The following GPC6 variants were observed in gnomAD, a reference collection of about 807,000 sequenced individuals.
GPC6 encodes glypican-6.
A neutral mutation model predicts 55.2 loss-of-function variants in GPC6; 14 were observed. The observed-to-expected ratio is 0.25, with a 90% CI of 0.17 to 0.40. GPC6 has a LOEUF of 0.40. GPC6 is among the 10% of genes least tolerant of loss of function. The pLI is 1.00. For missense variants in GPC6, 641 were observed against 708.5 expected, an observed-to-expected ratio of 0.90 and a Z score of 1.08; for synonymous variants, 278 against 259.6, an observed-to-expected ratio of 1.07 and a Z score of -0.68.
intron 3 of GPC6, among the ~76,000 whole-genome samples, chr13:94,025,877 G>A (rs1473892787): frequency 6.6e-6 from 1 of 152,026 alleles, no homozygotes; most frequent in Non-Finnish European, 1.5e-5. Flanking sequence ...ATTCAAGCCA[G>A]TATTGAATTA....
rs149804664 is a variant in GPC6, at chr13:93,375,668, T to C, written c.160+148052T>C. 5.2e-4 allele frequency among the ~76,000 whole-genome samples: 79 copies of C among 152,336 alleles called. 1 individual carries two copies. The East Asian group carries it at 0.015, about 29-fold the overall frequency. Reference sequence around the variant, plus strand: ...CAGTGGCCATTCTGGCTGGACAACCTGTACAACAAGAACAGGGACCTGACA... The same window carrying C: ...CAGTGGCCATTCTGGCTGGACAACCCGTACAACAAGAACAGGGACCTGACA... On this transcript the variant is annotated intron_variant, in intron 1 of 8. Transcript: ENST00000377047.
At chr13:93,410,485 G>A (rs1008197231) in intron 1 of GPC6, among the ~76,000 whole-genome samples, 2 of 152,142 alleles carry the variant, frequency 1.3e-5, no homozygotes, top group African/African-American at 2.4e-5. Flanking sequence ...CTGCCTGAAA[G>A]AATATAGGTC....
At chr13:94,072,943 G>A (rs1419093946) in intron 4 of GPC6, among the ~76,000 whole-genome samples, 1 of 152,132 alleles carries the variant, frequency 6.6e-6, no homozygotes, top group Non-Finnish European at 1.5e-5. Context: ...AGAGTGGAAG[G>A]CATGCAAGAG....
At chr13:93,310,267 G>A (rs12853940) in intron 1 of GPC6, among the ~76,000 whole-genome samples, 18,233 of 152,024 alleles carry the variant, frequency 0.12, 1,317 homozygotes, top group East Asian at 0.36. Context: ...TGGAGAAACC[G>A]TATAAAAAAC....
At chr13:94,342,303 G>A (rs1878080005) in intron 6 of GPC6, among the ~76,000 whole-genome samples, 1 of 152,202 alleles carries the variant, frequency 6.6e-6, no homozygotes, top group African/African-American at 2.4e-5. Context: ...TAGGGTCTTT[G>A]CAGATGTAAC....
At chr13:93,983,964 A>C (rs934649460) in intron 3 of GPC6, among the ~76,000 whole-genome samples, 1 of 152,216 alleles carries the variant, frequency 6.6e-6, no homozygotes, top group Non-Finnish European at 1.5e-5. Flanking sequence ...CAACAATTAA[A>C]GAAAAAAATT....
intron 2 of GPC6, among the ~76,000 whole-genome samples, chr13:93,651,897 G>A (rs1201846041): frequency 2.0e-5 from 3 of 152,122 alleles, no homozygotes; most frequent in Admixed American, 6.5e-5. Context: ...AGAATCCCTG[G>A]GCATAGGGCC....
At chr13:93,507,799 C>A (rs1880794111) in intron 1 of GPC6, among the ~76,000 whole-genome samples, 1 of 151,488 alleles carries the variant, frequency 6.6e-6, no homozygotes, top group African/African-American at 2.4e-5. Flanking sequence ...GAATGAGGAG[C>A]AAGATATGAA....
At chr13:93,954,764 C>G (rs1879422736) in intron 3 of GPC6, among the ~76,000 whole-genome samples, 2 of 152,126 alleles carry the variant, frequency 1.3e-5, no homozygotes, top group African/African-American at 2.4e-5. Flanking sequence ...TGGTTTTTGT[C>G]CTGCAGTCTC....
At position 94,026,250 on chromosome 13, in the gene GPC6, C is replaced by G. The variant is rs1882890276; in HGVS notation, c.712-1479C>G. Among the ~76,000 whole-genome samples, 4 of 151,958 alleles carry G rather than the reference C, an allele frequency of 2.6e-5. No homozygotes were observed. In the South Asian group the frequency reaches 8.3e-4, roughly 32 times the overall value. The stretch of plus-strand genomic sequence containing the variant: ...AAAATTAAGAAAATGTTACAGAAAC[C>G]AAAGGCTTGCATTAAGAATCTCAAA... On this transcript the variant is annotated intron_variant, in intron 3 of 8. Transcript: ENST00000377047.
At chr13:94,064,353 TC>T (rs1884442801) in intron 4 of GPC6, among the ~76,000 whole-genome samples, 1 of 152,188 alleles carries the variant, frequency 6.6e-6, no homozygotes, top group South Asian at 2.1e-4. Flanking sequence ...TCACCATTTG[TC>T]CATCCCATTT....
At chr13:94,248,016 T>G (rs1448544785) in intron 4 of GPC6, among the ~76,000 whole-genome samples, 1 of 152,032 alleles carries the variant, frequency 6.6e-6, no homozygotes, top group Non-Finnish European at 1.5e-5. Flanking sequence ...AATTTTCTTT[T>G]CTTATGGTGT....
At chr13:93,624,020 C>G (rs1464245965) in intron 2 of GPC6, among the ~76,000 whole-genome samples, 1 of 152,048 alleles carries the variant, frequency 6.6e-6, no homozygotes, top group African/African-American at 2.4e-5. Context: ...ATATTTTCCC[C>G]ATCTTATTAA....
At chr13:93,470,452 C>T (rs1879068837) in intron 1 of GPC6, among the ~76,000 whole-genome samples, 1 of 152,106 alleles carries the variant, frequency 6.6e-6, no homozygotes, top group African/African-American at 2.4e-5. Context: ...TCTGGCCTTG[C>T]ATTACCTGGA....
intron 6 of GPC6, among the ~76,000 whole-genome samples, chr13:94,374,561 C>A (rs1411328808): frequency 7.0e-6 from 1 of 143,150 alleles, no homozygotes; most frequent in African/African-American, 2.6e-5. Context: ...ATTCATAAAG[C>A]AAGTCCTGAG....
At chr13:93,701,603 A>G (rs114468886) in intron 2 of GPC6, among the ~76,000 whole-genome samples, 1 of 152,074 alleles carries the variant, frequency 6.6e-6, no homozygotes, top group African/African-American at 2.4e-5. Context: ...AAAAAGATTT[A>G]TCTGTAGCAT....
At chr13:93,823,867 T>C (rs983996667) in intron 2 of GPC6, among the ~76,000 whole-genome samples, 1 of 152,140 alleles carries the variant, frequency 6.6e-6, no homozygotes, top group East Asian at 1.9e-4. Context: ...TAAATAATAA[T>C]ACTTATAATA....
intron 1 of GPC6, among the ~76,000 whole-genome samples, chr13:93,470,789 T>C (rs1367756097): frequency 6.6e-6 from 1 of 152,094 alleles, no homozygotes; most frequent in Non-Finnish European, 1.5e-5. Flanking sequence ...TTTTTCAAAA[T>C]TTCCTTTTTT....
chr13:93,583,695 C>T (rs1478188588), intron 2 of GPC6, among the ~76,000 whole-genome samples: 2 of 152,320 alleles, frequency 1.3e-5, no homozygotes, highest in East Asian at 1.9e-4. Context: ...GGATTACATG[C>T]GTGAACCACC....
Sources: allele counts gnomAD v4.1 joint callset (sites outside exome capture counted in the v4.1 genomes callset), GRCh38; gene constraint gnomAD v4.1.1; transcripts MANE v1.5; gene names NCBI Gene and HGNC (gene_info 2026-07-23, HGNC 2026-07-21).